The following PIK3R4 variants were observed in gnomAD, a reference collection of about 807,000 sequenced individuals.
The protein encoded by PIK3R4 is phosphoinositide 3-kinase regulatory subunit 4.
PIK3R4 carries 46 observed loss-of-function variants against 136.5 expected under a neutral mutation model. The observed-to-expected ratio is 0.34, with a 90% CI of 0.27 to 0.43. The LOEUF is 0.43. Ranked by LOEUF, PIK3R4 falls within the 20% of genes least tolerant of loss-of-function variation. The probability of loss-of-function intolerance (pLI) is 1.00; values close to 1 mark genes in which losing one functional copy is unlikely to be tolerated. For missense variants in PIK3R4, 1,331 were observed against 1,649.5 expected (o/e 0.81, Z 3.35); for synonymous variants, 557 against 566.7 (o/e 0.98, Z 0.24).
chr3:130,688,426 T>G (rs1191086362), intron 14 of PIK3R4, among the ~76,000 whole-genome samples: 1 of 152,232 alleles, frequency 6.6e-6, no homozygotes, highest in Non-Finnish European at 1.5e-5. Context: ...CCCTTCAATG[T>G]GATTATGTGA....
chr3:130,706,839 C>G (rs940033219), intron 11 of PIK3R4, 109 bp downstream of exon 11: 1 of 710,334 alleles, frequency 1.4e-6, no homozygotes, highest in African/African-American at 1.8e-5. Flanking sequence ...CCCTAAAAGA[C>G]AAGTCACCAT....
chr3:130,704,218 T>C (rs910725274), intron 12 of PIK3R4, among the ~76,000 whole-genome samples: 1 of 152,132 alleles, frequency 6.6e-6, no homozygotes, highest in Non-Finnish European at 1.5e-5. Flanking sequence ...AACTACAAAA[T>C]TTGACATCTT....
Position 130,744,867 on chromosome 3 carries a change from G to A in PIK3R4, c.352C>T (p.Pro118Ser), listed in dbSNP as rs1364115211. The change falls in exon 2 of 20, where the codon CCA becomes TCA. Residue 118 changes from proline (P) to serine (S), a missense_variant. Pro to Ser is a moderately conservative substitution (Grantham distance 74). This residue lies in a region of PIK3R4 where 151 missense variants were observed against 242.5 expected (regional missense o/e 0.62). Coordinates refer to ENST00000356763, the MANE Select transcript of PIK3R4 (RefSeq NM_014602.3). ...DNLYDRISTRPFLNNIEKRWI... is the reference protein window; with the variant it reads ...DNLYDRISTRSFLNNIEKRWI... ...CGCTTCTCAATGTTATTCAAGAATG[G>A]ACGGGTACTGATGCGATCATAGAGA... The A allele has an allele frequency of 6.2e-7, 1 of 1,614,212 alleles. No homozygotes were observed. Among genetic ancestry groups the A allele is most frequent in the Admixed American group, 1.7e-5 (1 of 60,030 alleles).
chr3:130,701,188 T>C (rs1018778157), intron 13 of PIK3R4, among the ~76,000 whole-genome samples: 1 of 152,080 alleles, frequency 6.6e-6, no homozygotes, highest in East Asian at 1.9e-4. Flanking sequence ...AAAACAATTA[T>C]CTGAAGAGGT....
At chr3:130,712,949 G>A (rs554264477) in intron 9 of PIK3R4, among the ~76,000 whole-genome samples, 3 of 152,266 alleles carry the variant, frequency 2.0e-5, no homozygotes, top group Admixed American at 2.0e-4. Context: ...TGTAGGCTTT[G>A]GAATCAGATA....
intron 13 of PIK3R4, among the ~76,000 whole-genome samples, chr3:130,691,114 T>C (rs2066516014): frequency 1.3e-5 from 2 of 152,082 alleles, no homozygotes; most frequent in South Asian, 4.2e-4. Context: ...CAGGCTGGTT[T>C]TGAACTCTTT....
intron 2 of PIK3R4, among the ~76,000 whole-genome samples, chr3:130,742,914 T>C (rs2066832131): frequency 6.6e-6 from 1 of 152,208 alleles, no homozygotes; most frequent in African/African-American, 2.4e-5. Context: ...GTGGTCTGTG[T>C]ATGTGAAATA....
At chr3:130,738,308 TATG>T (rs2066797159) in intron 2 of PIK3R4, among the ~76,000 whole-genome samples, 2 of 152,344 alleles carry the variant, frequency 1.3e-5, no homozygotes, top group South Asian at 4.1e-4. Flanking sequence ...ATTTTCTATT[TATG>T]ATATTTTCAA....
intron 19 of PIK3R4, among the ~76,000 whole-genome samples, chr3:130,680,335 T>G (rs1055387135): frequency 6.6e-6 from 1 of 152,222 alleles, no homozygotes; most frequent in African/African-American, 2.4e-5. Context: ...TTAACTTCAC[T>G]GTGCCTTTTT....
intron 12 of PIK3R4, 135 bp downstream of exon 12, chr3:130,705,423 GCTT>G (rs2066600885): frequency 6.3e-6 from 4 of 631,814 alleles, no homozygotes; most frequent in South Asian, 6.0e-5. Context: ...CTTACTTACT[GCTT>G]CTTCTTCTGG....
chr3:130,693,325 T>C (rs985557824), intron 13 of PIK3R4, among the ~76,000 whole-genome samples: 4 of 152,218 alleles, frequency 2.6e-5, no homozygotes, highest in Non-Finnish European at 4.4e-5. Context: ...TAGCTAGGAA[T>C]GGAATCATAG....
At chr3:130,693,776 TTGA>T (rs1437925117) in intron 13 of PIK3R4, among the ~76,000 whole-genome samples, 1 of 152,192 alleles carries the variant, frequency 6.6e-6, no homozygotes, top group Non-Finnish European at 1.5e-5. Context: ...GTTTATAACA[TTGA>T]TGAAGTCCCA....
At position 130,734,150 on chromosome 3, in the gene PIK3R4, G is replaced by A. The variant is rs1559830538; in HGVS notation, c.868-20C>T. The A allele has an allele frequency of 6.4e-7, 1 of 1,557,642 alleles. No homozygotes were observed. Among genetic ancestry groups the A allele is most frequent in the Non-Finnish European group, 8.7e-7 (1 of 1,148,426 alleles). On this transcript the variant is annotated intron_variant, in intron 3 of 19. Transcript: ENST00000356763. ...AGTTACCTATACCAAGGGAAGAAAA[G>A]GAATTAAAATAGATTTGAGAATAGA...
At chr3:130,710,960 G>C (rs1423166163) in intron 9 of PIK3R4, among the ~76,000 whole-genome samples, 1 of 128,108 alleles carries the variant, frequency 7.8e-6, no homozygotes, top group Non-Finnish European at 1.7e-5. Flanking sequence ...AGAAACTCTT[G>C]AAAAAGAAAA....
In PIK3R4 at chr3:130,679,233, T is replaced by TGAATC. The variant is rs1360017198; in HGVS notation, c.*77_*81dup. The TGAATC allele has an allele frequency of 2.4e-6, 2 of 844,890 alleles. No individual in the cohort carries two copies. The highest frequency in any genetic ancestry group is 3.5e-5 in the African/African-American group (2 of 57,116). 52.3% of individuals were successfully genotyped at this position (844,890 alleles called of 1,614,324 possible). A position where few individuals can be genotyped will look rare whatever the true frequency, so the allele number is the denominator to read the frequency against. On this transcript the variant is annotated 3_prime_UTR_variant, in exon 20 of 20. Coordinates refer to ENST00000356763, the MANE Select transcript of PIK3R4 (RefSeq NM_014602.3). ...GACATAATTTTGAAAATTAAGCAAA[T>TGAATC]GAATCTGTTCTCTAGAAATGCCTTT...
At chr3:130,681,458 TATC>T in intron 17 of PIK3R4, 30 bp downstream of exon 17, 1 of 1,241,300 alleles carries the variant, frequency 8.1e-7, no homozygotes, top group Non-Finnish European at 1.2e-6. Context: ...TGGGGAATAA[TATC>T]ATCCTTTACA....
chr3:130,731,285 C>A (rs1167204247), intron 4 of PIK3R4, among the ~76,000 whole-genome samples: 1 of 152,170 alleles, frequency 6.6e-6, no homozygotes, highest in Non-Finnish European at 1.5e-5. Flanking sequence ...AGTTTAACTA[C>A]CTTAAACTTA....
intron 9 of PIK3R4, among the ~76,000 whole-genome samples, chr3:130,712,140 T>A (rs2066636087): frequency 6.6e-6 from 1 of 152,182 alleles, no homozygotes; most frequent in Non-Finnish European, 1.5e-5. Flanking sequence ...ATGGGTAACG[T>A]TCCAAAAGTG....
chr3:130,715,035 A>T (rs1271623021), intron 9 of PIK3R4, among the ~76,000 whole-genome samples: 2 of 152,022 alleles, frequency 1.3e-5, no homozygotes, highest in Non-Finnish European at 2.9e-5. Context: ...TGTCTTCCAC[A>T]ACAGTTGAAC....
Sources: gnomAD v4.1 joint callset for allele counts (sites outside exome capture counted in the v4.1 genomes callset) on GRCh38, gnomAD v4.1.1 for gene constraint, gnomAD v4.1.1 regional missense constraint, MANE v1.5 for transcripts, NCBI Gene and HGNC (gene_info 2026-07-23, HGNC 2026-07-21) for gene names.